ABCB4: variants seen among roughly 807,000 people sequenced by gnomAD.
The protein encoded by ABCB4 is phosphatidylcholine translocator ABCB4.
ABCB4 carries 76 observed loss-of-function variants against 145.7 expected under a neutral mutation model. That is an observed-to-expected ratio of 0.52 (90% CI 0.43 to 0.63). The LOEUF (loss-of-function observed/expected upper bound fraction) is 0.63. Among genes scored for constraint, ABCB4 ranks in the 30% least tolerant of loss-of-function variants. The pLI, the probability that ABCB4 is intolerant of heterozygous loss-of-function variation, is 0.00. For missense variants in ABCB4, 1,234 were observed against 1,553.1 expected, an observed-to-expected ratio of 0.79 and a Z score of 3.45; for synonymous variants, 517 against 566.8, an observed-to-expected ratio of 0.91 and a Z score of 1.25.
chr7:87,469,733 G>A (rs1813223650), intron 3 of ABCB4, among the ~76,000 whole-genome samples: 1 of 152,128 alleles, frequency 6.6e-6, no homozygotes, highest in Non-Finnish European at 1.5e-5. Flanking sequence ...ACAAACAAAT[G>A]GAAGAACATT....
intron 3 of ABCB4, among the ~76,000 whole-genome samples, chr7:87,468,671 G>A (rs373711232): frequency 2.6e-5 from 4 of 152,022 alleles, no homozygotes; most frequent in African/African-American, 9.7e-5. Flanking sequence ...GGTGGCTCAC[G>A]CCTATAATCG....
chr7:87,369,333 T>C, the ABCB4 span: 4 of 1,392,338 alleles, frequency 2.9e-6, no homozygotes, highest in Non-Finnish European at 4.0e-6. Context: ...TACTCCTGTT[T>C]AACCTTAGAT....
the ABCB4 span, among the ~76,000 whole-genome samples, chr7:87,396,462 T>G: frequency 6.6e-6 from 1 of 152,162 alleles, no homozygotes. Context: ...ATGGCTTTTA[T>G]GACATGCACT....
rs374389023 is a variant in ABCB4 at position 87,419,986 on chromosome 7, G to A, written c.2394+12C>T. Reference sequence around the variant, plus strand: ...GAAAGATCAGAAGGCATTCTCCAGCGCACACTCCTACCTGTCTTAGCATTG... The same window carrying A: ...GAAAGATCAGAAGGCATTCTCCAGCACACACTCCTACCTGTCTTAGCATTG... On this transcript the variant is annotated intron_variant, in intron 19 of 27. Transcript: ENST00000649586. The A allele has an allele frequency of 4.7e-5, 75 of 1,612,490 alleles. No individual in the cohort carries two copies. Among genetic ancestry groups the A allele is most frequent in the Non-Finnish European group, 5.9e-5 (69 of 1,178,732 alleles).
the ABCB4 span, among the ~76,000 whole-genome samples, chr7:87,388,241 T>C: frequency 6.6e-6 from 1 of 152,034 alleles, no homozygotes; most frequent in Non-Finnish European, 1.5e-5. Context: ...ATCAAGCTAC[T>C]ACTGACTTTC....
At chr7:87,469,806 T>G (rs1233327760) in intron 3 of ABCB4, among the ~76,000 whole-genome samples, 2 of 152,152 alleles carry the variant, frequency 1.3e-5, no homozygotes, top group Non-Finnish European at 2.9e-5. Flanking sequence ...AGGTAATTTA[T>G]AGATTCAATG....
the ABCB4 span, among the ~76,000 whole-genome samples, chr7:87,379,167 T>C: frequency 6.6e-6 from 1 of 152,226 alleles, no homozygotes; most frequent in African/African-American, 2.4e-5. Flanking sequence ...CCCTTTGACC[T>C]GTCTGCTGCA....
At position 87,426,925 on chromosome 7, in the gene ABCB4, A is replaced by G. The variant is rs1332449770; in HGVS notation, c.1894-5T>C. 2 of 1,607,476 alleles carry G rather than the reference A, an allele frequency of 1.2e-6. No individual in the cohort carries two copies. Among genetic ancestry groups the G allele is most frequent in the African/African-American group, 2.7e-5 (2 of 72,932 alleles). On this transcript the variant is annotated splice_region_variant and splice_polypyrimidine_tract_variant and intron_variant, in intron 15 of 27. Transcript: ENST00000649586. Reference sequence around the variant, plus strand: ...CTGGATCTGGCTTCCTGATGTCTGAAAGAATATCAAGACATTAAAGTGTGT... The same window carrying G: ...CTGGATCTGGCTTCCTGATGTCTGAGAGAATATCAAGACATTAAAGTGTGT...
intron 15 of ABCB4, among the ~76,000 whole-genome samples, chr7:87,429,903 CTTT>C (rs747654191): frequency 0.077 from 10,063 of 130,690 alleles, 359 homozygotes; most frequent in South Asian, 0.15. Context: ...TGTGTCAGGT[CTTT>C]TTTTTTTTAA....
intron 26 of ABCB4, among the ~76,000 whole-genome samples, chr7:87,405,195 C>T (rs936849422): frequency 6.6e-6 from 1 of 152,040 alleles, no homozygotes; most frequent in African/African-American, 2.4e-5. Flanking sequence ...AAAAGCAATG[C>T]CTATGAATAC....
At chr7:87,450,871 G>A (rs1364154322) in intron 7 of ABCB4, among the ~76,000 whole-genome samples, 1 of 152,196 alleles carries the variant, frequency 6.6e-6, no homozygotes, top group South Asian at 2.1e-4. Context: ...GTAGTTCACT[G>A]TGTAAATCAT....
the ABCB4 span, chr7:87,382,252 G>T: frequency 6.9e-7 from 1 of 1,452,436 alleles, no homozygotes. Flanking sequence ...AAATTTGGCT[G>T]TCATCCAAGC....
At chr7:87,378,910 T>C in the ABCB4 span, among the ~76,000 whole-genome samples, 1 of 152,248 alleles carries the variant, frequency 6.6e-6, no homozygotes, top group Non-Finnish European at 1.5e-5. Flanking sequence ...TAAATGTCTA[T>C]TGGAGTATCT....
chr7:87,464,781 G>A (rs190807995), intron 3 of ABCB4, among the ~76,000 whole-genome samples: 1 of 152,228 alleles, frequency 6.6e-6, no homozygotes, highest in Admixed American at 6.5e-5. Context: ...TTTAACTTAA[G>A]CTAAAACTTC....
In ABCB4 at chr7:87,406,549, A is replaced by G. The variant is rs202232508; in HGVS notation, c.3280-55T>C. 1.1e-5 allele frequency: 18 copies of G among 1,587,932 alleles called. 1 individual carries two copies. The South Asian group carries it at 2.0e-4, about 18-fold the overall frequency. On this transcript the variant is annotated intron_variant, in intron 25 of 27. Coordinates refer to ENST00000649586, the MANE Select transcript of ABCB4 (RefSeq NM_000443.4). ...AGGGTATAAAAAAGAAAAAAAAACT[A>G]AAAAGTTACTAGATTGTCCATTTGG...
intron 24 of ABCB4, among the ~76,000 whole-genome samples, chr7:87,408,439 CAA>C (rs1808371078): frequency 6.6e-6 from 1 of 152,228 alleles, no homozygotes. Flanking sequence ...TGAGATTAGA[CAA>C]AAAGTCATTA....
chr7:87,416,159 C>T (rs189138772), intron 21 of ABCB4, among the ~76,000 whole-genome samples: 1 of 152,290 alleles, frequency 6.6e-6, no homozygotes, highest in Admixed American at 6.5e-5. Context: ...CTGATGGAAA[C>T]CTGGAGATAC....
At chr7:87,457,711 G>A (rs1411463379) in intron 4 of ABCB4, among the ~76,000 whole-genome samples, 1 of 152,182 alleles carries the variant, frequency 6.6e-6, no homozygotes. Context: ...TCTCAAAGAT[G>A]AGAACAGTAA....
At chr7:87,435,652 C>T (rs1810560947) in intron 14 of ABCB4, among the ~76,000 whole-genome samples, 1 of 152,180 alleles carries the variant, frequency 6.6e-6, no homozygotes, top group South Asian at 2.1e-4. Context: ...AATATTCCAG[C>T]CCAGGTGACC....
Sources: gnomAD v4.1 joint callset for allele counts (sites outside exome capture counted in the v4.1 genomes callset) on GRCh38, gnomAD v4.1.1 for gene constraint, MANE v1.5 for transcripts, NCBI Gene and HGNC (gene_info 2026-07-23, HGNC 2026-07-21) for gene names.